Variants in UTRN observed in about 807,000 individuals in gnomAD.
UTRN encodes the protein dystrophin-related protein 1.
Under a neutral mutation model 463.9 loss-of-function variants are expected in UTRN, and 283 were observed. The ratio of observed to expected loss-of-function variants is 0.61; its 90% confidence interval spans 0.55 to 0.67. UTRN has a LOEUF of 0.67. Among genes scored for constraint, UTRN ranks in the 30% least tolerant of loss-of-function variants. The probability of loss-of-function intolerance (pLI) is 0.00; values close to 1 mark genes in which losing one functional copy is unlikely to be tolerated. For missense variants in UTRN, 3,922 were observed against 4,084.3 expected, an observed-to-expected ratio of 0.96 and a Z score of 1.08; for synonymous variants, 1,442 against 1,431.5, an observed-to-expected ratio of 1.01 and a Z score of -0.17.
rs138188635 is a variant in UTRN, at chr6:144,733,441, C to T, written c.7939+2955C>T. ...CTGAGGCAGGGGAATCGCTTGAACC[C>T]GGGAGGCAGAGATTGCAGTTAGCTG... On this transcript the variant is annotated intron_variant, in intron 54 of 74. Transcript: ENST00000367545. 1.3e-3 allele frequency among the ~76,000 whole-genome samples: 193 copies of T among 149,664 alleles called. 1 individual carries two copies. Among genetic ancestry groups the T allele is most frequent in the African/African-American group, 4.6e-3 (189 of 40,908 alleles).
chr6:144,744,713 A>G (rs1269987359), intron 54 of UTRN, among the ~76,000 whole-genome samples: 2 of 151,622 alleles, frequency 1.3e-5, no homozygotes, highest in Non-Finnish European at 2.9e-5. Flanking sequence ...ATTGCTAGCA[A>G]ATTTATTTGG....
In UTRN at chr6:144,320,747, C is replaced by T. The variant is rs147902026; in HGVS notation, c.79+28840C>T. On this transcript the variant is annotated intron_variant, in intron 2 of 74. Coordinates refer to ENST00000367545, the MANE Select transcript of UTRN (RefSeq NM_007124.3). ...TAGTGCACCACTCACTCGATTTTTC[C>T]ACCCCTTCCTTTCAGTCGTGGTCTG... 4.0e-4 allele frequency among the ~76,000 whole-genome samples: 61 copies of T among 152,266 alleles called. No homozygotes were observed. The East Asian group carries it at 0.011, about 28-fold the overall frequency.
At chr6:144,791,681 C>T (rs1776768652) in intron 62 of UTRN, among the ~76,000 whole-genome samples, 1 of 151,662 alleles carries the variant, frequency 6.6e-6, no homozygotes, top group South Asian at 2.1e-4. Context: ...TTCTTATTAC[C>T]TGCCCCTTTA....
chr6:144,516,531 A>G, intron 38 of UTRN, 144 bp downstream of exon 38: 1 of 990,502 alleles, frequency 1.0e-6, no homozygotes, highest in Non-Finnish European at 1.4e-6. Flanking sequence ...GTGTCAATGT[A>G]AGAGTCACAT....
chr6:144,508,227 CCCTTT>C (rs1205196016), intron 34 of UTRN, among the ~76,000 whole-genome samples: 153 of 152,040 alleles, frequency 1.0e-3, no homozygotes, highest in African/African-American at 3.4e-3. Flanking sequence ...GGCTTCAGTC[CCCTTT>C]CCAGGGGAGT....
intron 2 of UTRN, among the ~76,000 whole-genome samples, chr6:144,329,172 T>C (rs1776176437): frequency 6.8e-6 from 1 of 147,750 alleles, no homozygotes; most frequent in African/African-American, 2.5e-5. Context: ...AACTTCTACC[T>C]CTCGGGTTCA....
chr6:144,504,609 G>A (rs778205792), intron 34 of UTRN, among the ~76,000 whole-genome samples: 13 of 152,126 alleles, frequency 8.5e-5, no homozygotes, highest in Admixed American at 2.6e-4. Context: ...AGATGAAGCC[G>A]ACTTGATCAT....
intron 51 of UTRN, among the ~76,000 whole-genome samples, chr6:144,594,060 T>C (rs6938776): frequency 0.15 from 22,809 of 152,238 alleles, 1,944 homozygotes; most frequent in South Asian, 0.27. Context: ...TTTTATGTTA[T>C]GACTTAGTTG....
intron 2 of UTRN, among the ~76,000 whole-genome samples, chr6:144,371,567 A>G (rs1470483210): frequency 6.6e-6 from 1 of 151,980 alleles, no homozygotes; most frequent in East Asian, 1.9e-4. Context: ...ACGCACCACC[A>G]CACCTGGCTA....
intron 51 of UTRN, among the ~76,000 whole-genome samples, chr6:144,637,236 C>T (rs1167533982): frequency 6.6e-6 from 1 of 152,188 alleles, no homozygotes; most frequent in African/African-American, 2.4e-5. Flanking sequence ...CTCCAAAGTG[C>T]TGGGATTACA....
At chr6:144,304,303 A>C (rs891525292) in intron 2 of UTRN, among the ~76,000 whole-genome samples, 4 of 152,182 alleles carry the variant, frequency 2.6e-5, no homozygotes, top group Non-Finnish European at 5.9e-5. Flanking sequence ...GGTGGTACCC[A>C]AGTTTTTGCT....
chr6:144,458,266 T>G (rs372245469), intron 19 of UTRN, among the ~76,000 whole-genome samples: 3 of 152,358 alleles, frequency 2.0e-5, no homozygotes, highest in African/African-American at 7.2e-5. Flanking sequence ...CTCACCAGGT[T>G]GCTTCCCAGC....
rs142542553 is a variant in UTRN at position 144,771,506 on chromosome 6, A to G, written c.8496-401A>G. On this transcript the variant is annotated intron_variant, in intron 58 of 74. Transcript: ENST00000367545. ...AGTGAAACGATCTCGGCTCACTGCA[A>G]CCTCCACCTCCCAGCTTCAAGCAAT... Among the ~76,000 whole-genome samples, 427 of 151,976 alleles carry G rather than the reference A, an allele frequency of 2.8e-3. 1 individual carries two copies. Among genetic ancestry groups the G allele is most frequent in the African/African-American group, 9.8e-3 (407 of 41,446 alleles).
intron 23 of UTRN, among the ~76,000 whole-genome samples, chr6:144,472,785 T>C (rs1790797451): frequency 6.6e-6 from 1 of 150,966 alleles, no homozygotes; most frequent in African/African-American, 2.5e-5. Flanking sequence ...TTTTTTTTTT[T>C]TGAGACAGAG....
intron 52 of UTRN, among the ~76,000 whole-genome samples, chr6:144,682,572 G>A (rs1782311315): frequency 6.6e-6 from 1 of 152,088 alleles, no homozygotes; most frequent in African/African-American, 2.4e-5. Flanking sequence ...GTTCTCCATA[G>A]TGTTTATATT....
intron 57 of UTRN, 132 bp from the exon 58 acceptor site, chr6:144,757,797 A>G: frequency 1.4e-6 from 1 of 735,392 alleles, no homozygotes; most frequent in Non-Finnish European, 2.1e-6. Flanking sequence ...AGTGGATCTC[A>G]TAATTATAGG....
intron 52 of UTRN, among the ~76,000 whole-genome samples, chr6:144,681,041 G>A (rs997259009): frequency 6.6e-6 from 1 of 152,152 alleles, no homozygotes; most frequent in Non-Finnish European, 1.5e-5. Flanking sequence ...ACACAGCTAC[G>A]GAGGATGCCT....
intron 51 of UTRN, among the ~76,000 whole-genome samples, chr6:144,665,852 A>T (rs1406263320): frequency 1.3e-5 from 2 of 152,350 alleles, no homozygotes; most frequent in East Asian, 3.9e-4. Flanking sequence ...GTTTTAAAAT[A>T]CTTTTCAAGT....
intron 51 of UTRN, among the ~76,000 whole-genome samples, chr6:144,661,083 C>G (rs377129938): frequency 3.9e-5 from 6 of 152,286 alleles, no homozygotes; most frequent in African/African-American, 9.6e-5. Context: ...GTGAAGTCCT[C>G]CCTCACTTGG....
Sources: allele counts gnomAD v4.1 joint callset (sites outside exome capture counted in the v4.1 genomes callset), GRCh38; gene constraint gnomAD v4.1.1; transcripts MANE v1.5; gene names NCBI Gene and HGNC (gene_info 2026-07-23, HGNC 2026-07-21).